NOCT: variants seen among roughly 807,000 people sequenced by gnomAD.
NOCT encodes CCR4 carbon catabolite repression 4-like.
In NOCT, 18 loss-of-function variants were observed where a neutral mutation model predicts 35.0. The ratio of observed to expected loss-of-function variants is 0.51; its 90% CI spans 0.36 to 0.76. The LOEUF (loss-of-function observed/expected upper bound fraction) is 0.76. Among genes scored for constraint, NOCT ranks in the 30% least tolerant of loss-of-function variants. The pLI, the probability that NOCT is intolerant of heterozygous loss-of-function variation, is 0.01. For missense variants in NOCT, 479 were observed against 541.0 expected, an observed-to-expected ratio of 0.89 and a Z score of 1.14; for synonymous variants, 235 against 226.3, an observed-to-expected ratio of 1.04 and a Z score of -0.34.
intron 1 of NOCT, among the ~76,000 whole-genome samples, chr4:139,016,945 G>C (rs1234670864): frequency 6.9e-5 from 10 of 145,390 alleles, no homozygotes; most frequent in Non-Finnish European, 1.5e-4. Flanking sequence ...GAGCCACCGC[G>C]CTCGGCCATT....
At chr4:139,043,459 T>C in intron 2 of NOCT, 116 bp downstream of exon 2, 1 of 978,822 alleles carries the variant, frequency 1.0e-6, no homozygotes, top group South Asian at 1.5e-5. Flanking sequence ...CAGATGGAGG[T>C]GACTGCAGCA....
chr4:139,026,519 T>C (rs916768804), intron 1 of NOCT, among the ~76,000 whole-genome samples: 2 of 151,792 alleles, frequency 1.3e-5, no homozygotes, highest in Non-Finnish European at 2.9e-5. Context: ...TGTGTCACCA[T>C]GTTTGGCTCA....
chr4:139,036,990 C>T (rs1472853387), intron 1 of NOCT, among the ~76,000 whole-genome samples: 1 of 152,190 alleles, frequency 6.6e-6, no homozygotes, highest in Admixed American at 6.5e-5. Flanking sequence ...AAATGCCTTT[C>T]AGGACCATCT....
intron 1 of NOCT, among the ~76,000 whole-genome samples, chr4:139,034,564 CTGTGGTGTTGT>C (rs1726694234): frequency 6.6e-6 from 1 of 151,888 alleles, no homozygotes; most frequent in African/African-American, 2.4e-5. Flanking sequence ...GGTTTGTTTG[CTGTGGTGTTGT>C]TGTGGTGGTG....
intron 1 of NOCT, among the ~76,000 whole-genome samples, chr4:139,039,226 T>C (rs1163794302): frequency 6.7e-6 from 1 of 149,550 alleles, no homozygotes; most frequent in African/African-American, 2.5e-5. Context: ...CTTGCTTTAG[T>C]AGATTCCTCA....
At position 139,015,795 on chromosome 4, in the gene NOCT, C is replaced by T. The variant is rs1313586405; in HGVS notation, c.-187C>T. On this transcript the variant is annotated 5_prime_UTR_variant, in exon 1 of 3. Transcript: ENST00000280614. ...GGTCTCACAGCAGACGGTGCCGACG[C>T]AGCGGTGTTGCACCTCCCTCTCCGG... 10 of 392,704 alleles carry T rather than the reference C, an allele frequency of 2.5e-5. No homozygotes were observed. Among genetic ancestry groups the T allele is most frequent in the Non-Finnish European group, 4.3e-5 (10 of 234,442 alleles). The allele number at this position is 392,704 out of a possible 1,614,324, so 24.3% of individuals were successfully genotyped here.
chr4:139,039,095 G>A (rs897653612), intron 1 of NOCT, among the ~76,000 whole-genome samples: 1 of 148,860 alleles, frequency 6.7e-6, no homozygotes, highest in East Asian at 2.0e-4. Flanking sequence ...CCAGCACTGA[G>A]ATGGCTGAGA....
chr4:139,029,599 C>G (rs911657124), intron 1 of NOCT, among the ~76,000 whole-genome samples: 7 of 152,184 alleles, frequency 4.6e-5, no homozygotes, highest in African/African-American at 1.4e-4. Flanking sequence ...CTTAACTTGG[C>G]ACTTAGTTTA....
intron 1 of NOCT, among the ~76,000 whole-genome samples, chr4:139,020,428 G>C (rs1235035486): frequency 1.3e-5 from 2 of 152,190 alleles, no homozygotes; most frequent in African/African-American, 4.8e-5. Context: ...TGTTTTGGAA[G>C]GGGACAGTTT....
At chr4:139,018,654 A>G (rs796169066) in intron 1 of NOCT, among the ~76,000 whole-genome samples, 1 of 152,206 alleles carries the variant, frequency 6.6e-6, no homozygotes, top group South Asian at 2.1e-4. Context: ...GTCTCACACA[A>G]TGTAGGTGCT....
chr4:139,027,508 T>TC (rs1241891384), intron 1 of NOCT, among the ~76,000 whole-genome samples: 1 of 148,644 alleles, frequency 6.7e-6, no homozygotes, highest in African/African-American at 2.5e-5. Context: ...ATTTATGGAC[T>TC]TTTTTTTTTG....
At chr4:139,025,803 C>CAAA (rs113895475) in intron 1 of NOCT, among the ~76,000 whole-genome samples, 2 of 129,072 alleles carry the variant, frequency 1.5e-5, no homozygotes, top group African/African-American at 3.0e-5. Flanking sequence ...GACTCCGTCT[C>CAAA]AAAAAAAAAA....
At chr4:139,018,660 G>A (rs1359350677) in intron 1 of NOCT, among the ~76,000 whole-genome samples, 1 of 152,180 alleles carries the variant, frequency 6.6e-6, no homozygotes, top group Admixed American at 6.5e-5. Flanking sequence ...CACAATGTAG[G>A]TGCTTTATTA....
At chr4:139,042,914 C>T (rs1463631530) in intron 1 of NOCT, among the ~76,000 whole-genome samples, 160 bp from the exon 2 acceptor site, 1 of 81,788 alleles carries the variant, frequency 1.2e-5, no homozygotes, top group East Asian at 3.4e-4. Context: ...AACTCCATCT[C>T]AAAAAAAAAA....
At chr4:139,030,832 G>T (rs1354584158) in intron 1 of NOCT, among the ~76,000 whole-genome samples, 2 of 152,156 alleles carry the variant, frequency 1.3e-5, no homozygotes, top group Non-Finnish European at 2.9e-5. Flanking sequence ...GGCAGCATTG[G>T]ATTGCTGTTT....
chr4:139,041,538 A>G lies in NOCT; in HGVS notation c.191-1536A>G, dbSNP rs72947679. 7.4e-3 allele frequency among the ~76,000 whole-genome samples: 1,121 copies of G among 152,346 alleles called. 18 individuals carry two copies. The highest frequency in any genetic ancestry group is 0.025 in the African/African-American group (1,054 of 41,578). ...TAGTTGACCTCTAAAAGAGCAATCA[A>G]CTGCTTTCAAGTGAACTGCCACATA... is the stretch of plus-strand genomic sequence containing the variant. On this transcript the variant is annotated intron_variant, in intron 1 of 2. Transcript: ENST00000280614.
At chr4:139,037,820 T>G (rs1338539410) in intron 1 of NOCT, among the ~76,000 whole-genome samples, 5 of 151,744 alleles carry the variant, frequency 3.3e-5, no homozygotes, top group Non-Finnish European at 5.9e-5. Flanking sequence ...CCCAGGAGTT[T>G]GAGGCTACAG....
intron 1 of NOCT, among the ~76,000 whole-genome samples, chr4:139,031,023 C>G (rs769749786): frequency 6.6e-6 from 1 of 152,116 alleles, no homozygotes; most frequent in Non-Finnish European, 1.5e-5. Flanking sequence ...AGATACTAAA[C>G]GCAAACTGTG....
At chr4:139,036,697 A>G (rs960068099) in intron 1 of NOCT, among the ~76,000 whole-genome samples, 1 of 152,202 alleles carries the variant, frequency 6.6e-6, no homozygotes, top group African/African-American at 2.4e-5. Context: ...ATATCAGCAC[A>G]TATTTTATTG....
Sources: gnomAD v4.1 joint callset for allele counts (sites outside exome capture counted in the v4.1 genomes callset) on GRCh38, gnomAD v4.1.1 for gene constraint, MANE v1.5 for transcripts, NCBI Gene and HGNC (gene_info 2026-07-23, HGNC 2026-07-21) for gene names.